FHIT: variants seen among roughly 807,000 people sequenced by gnomAD.
FHIT encodes the protein bis(5'-adenosyl)-triphosphatase.
In FHIT, 19 loss-of-function variants were observed where a neutral mutation model predicts 17.9. The ratio of observed to expected loss-of-function variants is 1.06; its 90% confidence interval spans 0.74 to 1.56. The LOEUF (loss-of-function observed/expected upper bound fraction) is 1.56. Among genes scored for constraint, FHIT ranks in the 40% most tolerant of loss-of-function variants. The pLI, the probability that FHIT is intolerant of heterozygous loss-of-function variation, is 0.00. For synonymous variants in FHIT, 81 were observed against 69.7 expected, an observed-to-expected ratio of 1.16 and a Z score of -0.81; for missense variants, 248 against 189.2, an observed-to-expected ratio of 1.31 and a Z score of -1.82.
chr3:60,029,907 G>GTGTGTGTGTGTGTGTGTGTGTGTC lies in FHIT; in HGVS notation c.104-15756_104-15755insGACACACACACACACACACACACA, dbSNP rs1553655785. ...TGTGTGTGTGTGTGTCTGTGTGTGTGTGTGTGTGTGTGTGTGTGTGTACAA... is the reference window on the plus strand; with the variant it reads ...TGTGTGTGTGTGTGTCTGTGTGTGTGTGTGTGTGTGTGTGTGTGTGTGTCTGTGTGTGTGTGTGTGTGTGTACAA... On this transcript the variant is annotated intron_variant, in intron 5 of 9. Transcript: ENST00000492590. Among the ~76,000 whole-genome samples, 367 of 132,538 alleles carry GTGTGTGTGTGTGTGTGTGTGTGTC rather than the reference G, an allele frequency of 2.8e-3. 2 individuals carry two copies. The highest frequency in any genetic ancestry group is 0.011 in the African/African-American group (349 of 30,890). 87.0% of individuals were successfully genotyped at this position (132,538 alleles called of 152,430 possible). A position where few individuals can be genotyped will look rare whatever the true frequency, so the allele number is the denominator to read the frequency against.
chr3:60,819,540 C>G (rs1701855461), intron 4 of FHIT, among the ~76,000 whole-genome samples: 3 of 152,122 alleles, frequency 2.0e-5, no homozygotes, highest in African/African-American at 7.2e-5. Flanking sequence ...CCACGAGAAA[C>G]AGAATACTGA....
At chr3:60,040,760 G>A (rs140049400) in intron 5 of FHIT, among the ~76,000 whole-genome samples, 192 of 152,218 alleles carry the variant, frequency 1.3e-3, no homozygotes, top group African/African-American at 4.4e-3. Flanking sequence ...AGCTGGTCCT[G>A]GAGTGACTCC....
chr3:60,024,421 G>C (rs1333451645), intron 5 of FHIT, among the ~76,000 whole-genome samples: 20 of 152,318 alleles, frequency 1.3e-4, no homozygotes. Context: ...GAATGAATTA[G>C]TGAAAGATCA....
intron 5 of FHIT, among the ~76,000 whole-genome samples, chr3:60,206,248 A>G (rs1440117605): frequency 6.6e-6 from 1 of 151,834 alleles, no homozygotes; most frequent in Non-Finnish European, 1.5e-5. Context: ...TCTTGCTGCT[A>G]TTAAAATCAA....
At chr3:60,680,294 G>C (rs1001174287) in intron 4 of FHIT, among the ~76,000 whole-genome samples, 2 of 152,132 alleles carry the variant, frequency 1.3e-5, no homozygotes, top group Non-Finnish European at 1.5e-5. Context: ...GGCATTTCCT[G>C]ATTACTTTTG....
At chr3:59,891,557 T>C (rs1371986041) in intron 8 of FHIT, among the ~76,000 whole-genome samples, 3 of 152,156 alleles carry the variant, frequency 2.0e-5, no homozygotes, top group Non-Finnish European at 4.4e-5. Context: ...AGTTCCATGA[T>C]AGAGGAGGCA....
chr3:60,747,776 C>T (rs1553715768), intron 4 of FHIT, among the ~76,000 whole-genome samples: 5 of 152,072 alleles, frequency 3.3e-5, no homozygotes. Flanking sequence ...ATATTATCCC[C>T]ATTAACAAAT....
At chr3:60,275,658 G>C (rs540991194) in intron 5 of FHIT, among the ~76,000 whole-genome samples, 1 of 152,214 alleles carries the variant, frequency 6.6e-6, no homozygotes, top group East Asian at 1.9e-4. Context: ...CCTGTGACCA[G>C]CACAGTGGTT....
At chr3:60,813,245 A>G (rs576867558) in intron 4 of FHIT, among the ~76,000 whole-genome samples, 65 of 151,594 alleles carry the variant, frequency 4.3e-4, no homozygotes, top group Non-Finnish European at 8.4e-4. Context: ...CCCTCACCAG[A>G]TGCCAGCACC....
intron 1 of FHIT, among the ~76,000 whole-genome samples, chr3:61,203,771 A>G (rs998661628): frequency 6.6e-6 from 1 of 152,246 alleles, no homozygotes; most frequent in African/African-American, 2.4e-5. Flanking sequence ...GAGAAATACT[A>G]CTTAAGGCAT....
intron 5 of FHIT, among the ~76,000 whole-genome samples, chr3:60,283,591 G>T (rs767320089): frequency 3.9e-5 from 6 of 152,036 alleles, no homozygotes; most frequent in Non-Finnish European, 5.9e-5. Flanking sequence ...TCTGTAAGAA[G>T]CAGCCTAGAT....
intron 1 of FHIT, among the ~76,000 whole-genome samples, chr3:61,207,569 T>C (rs1258724452): frequency 6.7e-6 from 1 of 148,550 alleles, no homozygotes; most frequent in East Asian, 1.9e-4. Flanking sequence ...TGTCTGGGAA[T>C]TTATCAAATT....
intron 8 of FHIT, among the ~76,000 whole-genome samples, chr3:59,885,354 T>C (rs891567992): frequency 8.6e-5 from 13 of 151,776 alleles, no homozygotes; most frequent in Middle Eastern, 3.4e-3. Context: ...CCACTGAAGA[T>C]AGTCTGAAGG....
At chr3:60,483,381 G>T (rs572889480) in intron 5 of FHIT, among the ~76,000 whole-genome samples, 2 of 152,104 alleles carry the variant, frequency 1.3e-5, no homozygotes, top group East Asian at 1.9e-4. Flanking sequence ...AGTGAAAAAA[G>T]AAACTGTAGG....
At chr3:60,594,039 C>A (rs1180637605) in intron 4 of FHIT, among the ~76,000 whole-genome samples, 1 of 152,108 alleles carries the variant, frequency 6.6e-6, no homozygotes, top group African/African-American at 2.4e-5. Context: ...GCGTTGAGAA[C>A]TATATTTGAG....
chr3:60,361,407 G>A (rs544326373), intron 5 of FHIT, among the ~76,000 whole-genome samples: 2 of 152,216 alleles, frequency 1.3e-5, no homozygotes, highest in Non-Finnish European at 2.9e-5. Context: ...AAAAAATCCT[G>A]TGTTTTATAA....
chr3:60,114,680 G>T (rs963496885), intron 5 of FHIT, among the ~76,000 whole-genome samples: 10 of 151,804 alleles, frequency 6.6e-5, no homozygotes, highest in African/African-American at 1.9e-4. Context: ...TTTTTCTAAA[G>T]ATGAGGTGTC....
intron 1 of FHIT, among the ~76,000 whole-genome samples, chr3:61,229,571 A>G (rs2040049805): frequency 6.6e-6 from 1 of 152,208 alleles, no homozygotes; most frequent in Non-Finnish European, 1.5e-5. Flanking sequence ...ACCCATTGCT[A>G]ATAACTCTAG....
intron 8 of FHIT, among the ~76,000 whole-genome samples, chr3:59,804,024 C>T (rs1700101824): frequency 6.6e-6 from 1 of 152,204 alleles, no homozygotes; most frequent in Non-Finnish European, 1.5e-5. Flanking sequence ...GGGCTTCCAG[C>T]ATTTTAAGTA....
Sources: allele counts gnomAD v4.1 joint callset (sites outside exome capture counted in the v4.1 genomes callset), GRCh38; gene constraint gnomAD v4.1.1; transcripts MANE v1.5; gene names NCBI Gene and HGNC (gene_info 2026-07-23, HGNC 2026-07-21).